Variants in TNR observed in about 807,000 individuals in gnomAD.
The protein encoded by TNR is tenascin R.
TNR carries 45 observed loss-of-function variants against 150.4 expected under a neutral mutation model. The ratio of observed to expected loss-of-function variants is 0.30; its 90% CI spans 0.24 to 0.38. TNR has a LOEUF of 0.38. Among genes scored for constraint, TNR ranks in the 10% least tolerant of loss-of-function variants. The probability of loss-of-function intolerance (pLI) is 1.00; values close to 1 mark genes in which losing one functional copy is unlikely to be tolerated. For missense variants in TNR, 1,544 were observed against 1,759.1 expected (o/e 0.88, Z 2.19); for synonymous variants, 687 against 678.4 (o/e 1.01, Z -0.20).
chr1:175,491,759 C>T (rs1658264860), intron 2 of TNR, among the ~76,000 whole-genome samples: 1 of 150,048 alleles, frequency 6.7e-6, no homozygotes, highest in African/African-American at 2.5e-5. Flanking sequence ...ACGCCGTTCT[C>T]CTGCCTCAGC....
chr1:175,730,177 C>T (rs1343767801), intron 1 of TNR, among the ~76,000 whole-genome samples: 1 of 152,166 alleles, frequency 6.6e-6, no homozygotes, highest in Non-Finnish European at 1.5e-5. Context: ...TTCTCGGTTA[C>T]CTTCCAATAT....
At chr1:175,691,961 C>G (rs1417332197) in intron 1 of TNR, among the ~76,000 whole-genome samples, 1 of 152,206 alleles carries the variant, frequency 6.6e-6, no homozygotes, top group Non-Finnish European at 1.5e-5. Context: ...CCACATTCAT[C>G]TCTACAACCT....
intron 2 of TNR, among the ~76,000 whole-genome samples, chr1:175,499,097 T>A (rs562768625): frequency 6.6e-6 from 1 of 152,336 alleles, no homozygotes; most frequent in Admixed American, 6.5e-5. Flanking sequence ...AGGTTGATAC[T>A]GTGTGGGATC....
At chr1:175,643,563 G>A (rs1664727769) in intron 1 of TNR, among the ~76,000 whole-genome samples, 1 of 152,172 alleles carries the variant, frequency 6.6e-6, no homozygotes, top group Admixed American at 6.5e-5. Flanking sequence ...ATTATTATAG[G>A]AAGGGAAAAC....
At chr1:175,484,618 TCTA>T (rs1657934232) in intron 2 of TNR, among the ~76,000 whole-genome samples, 1 of 152,226 alleles carries the variant, frequency 6.6e-6, no homozygotes, top group African/African-American at 2.4e-5. Flanking sequence ...TCATGAAATT[TCTA>T]CTAACCTAAT....
intron 1 of TNR, among the ~76,000 whole-genome samples, chr1:175,706,046 A>G (rs1454778235): frequency 6.6e-6 from 1 of 152,206 alleles, no homozygotes; most frequent in East Asian, 1.9e-4. Flanking sequence ...GGATAGAGTC[A>G]GCATTCAAAG....
chr1:175,498,677 A>G (rs1300201126), intron 2 of TNR, among the ~76,000 whole-genome samples: 4 of 152,202 alleles, frequency 2.6e-5, no homozygotes, highest in Admixed American at 6.5e-5. Flanking sequence ...CAGAGAAGGA[A>G]TATGGTATTG....
At chr1:175,731,219 T>A (rs1205396590) in intron 1 of TNR, among the ~76,000 whole-genome samples, 1 of 152,076 alleles carries the variant, frequency 6.6e-6, no homozygotes, top group Non-Finnish European at 1.5e-5. Flanking sequence ...ACCAGCCCAA[T>A]TACAGGACAA....
chr1:175,623,705 G>A (rs1488175905), intron 1 of TNR, among the ~76,000 whole-genome samples: 1 of 152,234 alleles, frequency 6.6e-6, no homozygotes, highest in Admixed American at 6.5e-5. Flanking sequence ...GCAGAGAAGA[G>A]GTGACAGGGA....
intron 1 of TNR, among the ~76,000 whole-genome samples, chr1:175,662,962 A>AT (rs2101897810): frequency 6.6e-6 from 1 of 152,270 alleles, no homozygotes; most frequent in African/African-American, 2.4e-5. Context: ...ATCTCTAAAT[A>AT]TTTTTCTGTG....
rs1236308757 is a variant in TNR at position 175,714,771 on chromosome 1, G to A, written c.-165+28455C>T. 2.0e-5 allele frequency among the ~76,000 whole-genome samples: 3 copies of A among 152,190 alleles called. No homozygotes were observed. The East Asian group carries it at 5.8e-4, about 29-fold the overall frequency. ...CTCTGCCTGAGCCAGGAGCCAATAA[G>A]CAGAGACCGCCAGGCACTGGACAAT... is the stretch of plus-strand genomic sequence containing the variant. On this transcript the variant is annotated intron_variant, in intron 1 of 22. Transcript: ENST00000367674.
chr1:175,626,209 C>T (rs766671298), intron 1 of TNR, among the ~76,000 whole-genome samples: 4 of 152,178 alleles, frequency 2.6e-5, no homozygotes, highest in Non-Finnish European at 4.4e-5. Context: ...TGCCCGGTCT[C>T]GGGTATGTCT....
intron 2 of TNR, among the ~76,000 whole-genome samples, chr1:175,508,314 G>T (rs1659037313): frequency 6.6e-6 from 1 of 152,126 alleles, no homozygotes; most frequent in African/African-American, 2.4e-5. Context: ...ATCTTTAAGT[G>T]GGAAGAACCC....
chr1:175,450,646 G>A (rs1012011972), intron 2 of TNR, among the ~76,000 whole-genome samples: 2 of 152,260 alleles, frequency 1.3e-5, no homozygotes, highest in Non-Finnish European at 2.9e-5. Flanking sequence ...TAGCTAGAGT[G>A]CCTGGCACAA....
intron 2 of TNR, among the ~76,000 whole-genome samples, chr1:175,525,964 T>C (rs372206665): frequency 5.9e-5 from 9 of 152,206 alleles, no homozygotes; most frequent in African/African-American, 2.2e-4. Flanking sequence ...CCTGTAAGAA[T>C]ATATTTACCT....
chr1:175,508,577 G>C (rs187375562), intron 2 of TNR, among the ~76,000 whole-genome samples: 113 of 152,342 alleles, frequency 7.4e-4, no homozygotes, highest in South Asian at 6.2e-4. Flanking sequence ...TGCTCACTGT[G>C]GCAGTAGCCA....
At chr1:175,712,294 A>T (rs950927117) in intron 1 of TNR, among the ~76,000 whole-genome samples, 4 of 152,236 alleles carry the variant, frequency 2.6e-5, no homozygotes, top group Non-Finnish European at 5.9e-5. Context: ...GTGAAGAGCC[A>T]TTAAAAAAAT....
intron 2 of TNR, among the ~76,000 whole-genome samples, chr1:175,515,026 C>A (rs1191934412): frequency 2.6e-5 from 4 of 152,196 alleles, no homozygotes; most frequent in African/African-American, 9.7e-5. Context: ...GGGAGACCAA[C>A]TCGTTCCGGG....
At chr1:175,618,037 C>A (rs935192254) in intron 1 of TNR, among the ~76,000 whole-genome samples, 1 of 152,198 alleles carries the variant, frequency 6.6e-6, no homozygotes, top group African/African-American at 2.4e-5. Context: ...CCCCTAAAAT[C>A]TCTTTTGTTA....
Sources: allele counts gnomAD v4.1 joint callset (sites outside exome capture counted in the v4.1 genomes callset), GRCh38; gene constraint gnomAD v4.1.1; transcripts MANE v1.5; gene names NCBI Gene and HGNC (gene_info 2026-07-23, HGNC 2026-07-21).